FOXP1: variants seen among roughly 807,000 people sequenced by gnomAD.
FOXP1 encodes the protein forkhead box protein P1.
In FOXP1, 15 loss-of-function variants were observed where a neutral mutation model predicts 98.2. That is an observed-to-expected ratio of 0.15 (90% CI 0.10 to 0.24). FOXP1 has a LOEUF of 0.24. FOXP1 is among the 10% of genes least tolerant of loss of function. The pLI, the probability that FOXP1 is intolerant of heterozygous loss-of-function variation, is 1.00. For missense variants in FOXP1, 633 were observed against 848.5 expected (o/e 0.75, Z 3.15); for synonymous variants, 371 against 314.5 (o/e 1.18, Z -1.90).
At chr3:71,495,506 C>T (rs971800035) in intron 2 of FOXP1, among the ~76,000 whole-genome samples, 6 of 152,198 alleles carry the variant, frequency 3.9e-5, no homozygotes, top group Non-Finnish European at 8.8e-5. Flanking sequence ...GAATCAACAA[C>T]TGAAAGAAGT....
chr3:71,094,449 T>G (rs936907690), intron 7 of FOXP1, among the ~76,000 whole-genome samples: 9 of 152,150 alleles, frequency 5.9e-5, no homozygotes, highest in Non-Finnish European at 4.4e-5. Context: ...CCGGCTAATA[T>G]AATTTTCATG....
intron 3 of FOXP1, among the ~76,000 whole-genome samples, chr3:71,388,392 T>C (rs1484743163): frequency 6.6e-6 from 1 of 152,260 alleles, no homozygotes; most frequent in Non-Finnish European, 1.5e-5. Context: ...GTTCCGCAGC[T>C]CGCCCTTCTA....
chr3:70,962,932 T>A (rs544712660), intron 20 of FOXP1, among the ~76,000 whole-genome samples: 1 of 152,304 alleles, frequency 6.6e-6, no homozygotes, highest in South Asian at 2.1e-4. Flanking sequence ...CAAAACACAG[T>A]TCACAACATC....
intron 6 of FOXP1, among the ~76,000 whole-genome samples, chr3:71,137,685 A>G (rs1349459486): frequency 6.6e-6 from 1 of 152,158 alleles, no homozygotes; most frequent in Non-Finnish European, 1.5e-5. Context: ...GTCTTCTATC[A>G]TGTTTGTCAA....
intron 12 of FOXP1, among the ~76,000 whole-genome samples, chr3:71,005,670 CTT>C (rs2042721922): frequency 6.6e-6 from 1 of 152,074 alleles, no homozygotes; most frequent in Non-Finnish European, 1.5e-5. Flanking sequence ...CAATGTACCT[CTT>C]GTTTATCACC....
chr3:71,036,142 A>C (rs1330923226), intron 11 of FOXP1, among the ~76,000 whole-genome samples: 1 of 152,216 alleles, frequency 6.6e-6, no homozygotes, highest in African/African-American at 2.4e-5. Flanking sequence ...TATCAAGTGA[A>C]ACTGTCTATA....
chr3:71,150,756 C>G (rs753385356), intron 6 of FOXP1, among the ~76,000 whole-genome samples: 1 of 151,890 alleles, frequency 6.6e-6, no homozygotes, highest in South Asian at 2.1e-4. Flanking sequence ...GAATCTTTAC[C>G]GCAAGCAGAT....
At chr3:71,023,032 G>A (rs1204813467) in intron 11 of FOXP1, among the ~76,000 whole-genome samples, 4 of 152,100 alleles carry the variant, frequency 2.6e-5, no homozygotes, top group Non-Finnish European at 4.4e-5. Flanking sequence ...AAGGCACTAT[G>A]CATCCCCTTT....
intron 11 of FOXP1, among the ~76,000 whole-genome samples, chr3:71,036,369 CAG>C (rs764776383): frequency 6.6e-6 from 1 of 152,164 alleles, no homozygotes; most frequent in Non-Finnish European, 1.5e-5. Context: ...CTCAAAAAAG[CAG>C]AGACTGCCCA....
intron 5 of FOXP1, among the ~76,000 whole-genome samples, chr3:71,281,039 C>CAAAAAAAAAAAA (rs55640213): frequency 6.0e-5 from 5 of 83,554 alleles, no homozygotes; most frequent in Non-Finnish European, 7.1e-5. Context: ...CCCTTCTCTA[C>CAAAAAAAAAAAA]AAAAAAAAAA....
intron 3 of FOXP1, among the ~76,000 whole-genome samples, chr3:71,425,419 C>T (rs2084066972): frequency 2.0e-5 from 3 of 152,184 alleles, no homozygotes; most frequent in Non-Finnish European, 2.9e-5. Context: ...AGCCACCACA[C>T]CCAGCCATTT....
chr3:71,027,918 A>G (rs1243131684), intron 11 of FOXP1, among the ~76,000 whole-genome samples: 1 of 152,170 alleles, frequency 6.6e-6, no homozygotes, highest in Non-Finnish European at 1.5e-5. Flanking sequence ...GTAAGTTCTC[A>G]TCCTCGGAAA....
At chr3:71,540,329 A>C (rs557072058) in intron 2 of FOXP1, among the ~76,000 whole-genome samples, 2 of 152,376 alleles carry the variant, frequency 1.3e-5, no homozygotes, top group African/African-American at 4.8e-5. Context: ...AACAACGTCT[A>C]ATGACACCCA....
intron 3 of FOXP1, among the ~76,000 whole-genome samples, chr3:71,462,895 G>A (rs907346108): frequency 2.0e-5 from 3 of 152,110 alleles, no homozygotes; most frequent in East Asian, 3.8e-4. Context: ...GTCTTCTCTC[G>A]AAAACCAATG....
At chr3:71,290,908 A>G (rs2072683090) in intron 5 of FOXP1, among the ~76,000 whole-genome samples, 1 of 152,188 alleles carries the variant, frequency 6.6e-6, no homozygotes, top group African/African-American at 2.4e-5. Context: ...ATGTCAGATA[A>G]CAGATACTCA....
At chr3:71,581,789 G>A in intron 1 of FOXP1, 92 bp from the exon 2 acceptor site, 1 of 985,830 alleles carries the variant, frequency 1.0e-6, no homozygotes, top group Non-Finnish European at 1.2e-6. Context: ...TGAGTAGGCC[G>A]AGGGGCCAGG....
intron 19 of FOXP1, chr3:70,968,837 A>C (rs2035548027): frequency 6.6e-6 from 1 of 152,206 alleles, no homozygotes; most frequent in African/African-American, 2.4e-5. Flanking sequence ...TTTAATTTGC[A>C]CAGTAGAAAG....
At chr3:71,036,180 G>T (rs1576341067) in intron 11 of FOXP1, among the ~76,000 whole-genome samples, 1 of 152,192 alleles carries the variant, frequency 6.6e-6, no homozygotes, top group Non-Finnish European at 1.5e-5. Flanking sequence ...GAAACCTTCA[G>T]GGGTTATTTG....
intron 3 of FOXP1, among the ~76,000 whole-genome samples, chr3:71,374,396 C>T (rs1291946476): frequency 6.6e-6 from 1 of 152,100 alleles, no homozygotes; most frequent in African/African-American, 2.4e-5. Context: ...GAGTTTGAGG[C>T]CAGCCTGGCC....
Sources: gnomAD v4.1 joint callset for allele counts (sites outside exome capture counted in the v4.1 genomes callset) on GRCh38, gnomAD v4.1.1 for gene constraint, MANE v1.5 for transcripts, NCBI Gene and HGNC (gene_info 2026-07-23, HGNC 2026-07-21) for gene names.